UST: variants seen among roughly 807,000 people sequenced by gnomAD.
UST encodes the protein chondroitin sulfate 2-O-sulfotransferase.
In UST, 21 loss-of-function variants were observed where a neutral mutation model predicts 45.6. The observed-to-expected ratio is 0.46, with a 90% CI of 0.33 to 0.66. The LOEUF (loss-of-function observed/expected upper bound fraction) is 0.66, where lower values mean the gene tolerates loss of function less well. UST is among the 30% of genes least tolerant of loss of function. UST has a pLI of 0.02. For missense variants in UST, 463 were observed against 512.4 expected (o/e 0.90, Z 0.93); for synonymous variants, 215 against 200.6 (o/e 1.07, Z -0.61).
At chr6:148,930,673 CA>C (rs1424385568) in intron 2 of UST, among the ~76,000 whole-genome samples, 1 of 152,008 alleles carries the variant, frequency 6.6e-6, no homozygotes, top group African/African-American at 2.4e-5. Context: ...TCTTAATGGC[CA>C]AAGCAAGTCA....
chr6:148,985,660 G>C (rs747430926), intron 5 of UST, among the ~76,000 whole-genome samples: 2 of 152,190 alleles, frequency 1.3e-5, no homozygotes, highest in Non-Finnish European at 2.9e-5. Context: ...TGAAGATAGT[G>C]GTGGGGAAGT....
At chr6:149,024,322 T>C (rs1319480122) in intron 7 of UST, among the ~76,000 whole-genome samples, 3 of 152,228 alleles carry the variant, frequency 2.0e-5, no homozygotes, top group African/African-American at 7.2e-5. Flanking sequence ...GAGCTGGTTG[T>C]CAAATACTTT....
At chr6:148,855,792 C>CATGT (rs1778192034) in intron 1 of UST, among the ~76,000 whole-genome samples, 1 of 152,138 alleles carries the variant, frequency 6.6e-6, no homozygotes, top group Non-Finnish European at 1.5e-5. Flanking sequence ...CTGAGCAAGA[C>CATGT]ATGTATCCTG....
At chr6:148,749,237 T>A (rs1342622408) in intron 1 of UST, among the ~76,000 whole-genome samples, 1 of 152,094 alleles carries the variant, frequency 6.6e-6, no homozygotes, top group Admixed American at 6.5e-5. Context: ...TATTGTGGAG[T>A]CTCATAGCTT....
At position 148,866,576 on chromosome 6, in the gene UST, G is replaced by A. The variant is rs79725906; in HGVS notation, c.248-20410G>A. On this transcript the variant is annotated intron_variant, in intron 1 of 7. Transcript: ENST00000367463. The stretch of plus-strand genomic sequence containing the variant: ...ATGATAGACATAATAAATGCCAGTT[G>A]CATTCTATTTTCCTGTACCTCAGAA... Among the ~76,000 whole-genome samples the A allele has an allele frequency of 5.8e-3, 877 of 152,282 alleles. 7 individuals are homozygous for A. Among genetic ancestry groups the A allele is most frequent in the African/African-American group, 0.02 (831 of 41,570 alleles).
chr6:148,907,634 T>C (rs1040405001), intron 2 of UST, among the ~76,000 whole-genome samples: 5 of 152,218 alleles, frequency 3.3e-5, no homozygotes, highest in African/African-American at 4.8e-5. Context: ...CATTTTCTTA[T>C]GGCCTTCAGT....
intron 1 of UST, among the ~76,000 whole-genome samples, chr6:148,868,680 C>A (rs1396164355): frequency 6.6e-6 from 1 of 152,088 alleles, no homozygotes; most frequent in Non-Finnish European, 1.5e-5. Context: ...ATACCCAAAC[C>A]CTGCCAGGGT....
intron 2 of UST, among the ~76,000 whole-genome samples, chr6:148,917,992 G>T (rs963362369): frequency 1.3e-5 from 2 of 152,186 alleles, no homozygotes; most frequent in African/African-American, 4.8e-5. Context: ...ATTGATAACT[G>T]TGGGTCCCGG....
chr6:148,867,035 C>A (rs149964274), intron 1 of UST, among the ~76,000 whole-genome samples: 17 of 152,232 alleles, frequency 1.1e-4, no homozygotes, highest in African/African-American at 4.1e-4. Context: ...GTATCTTTCA[C>A]TTCTCCTATG....
chr6:148,850,678 C>A (rs929345382), intron 1 of UST, among the ~76,000 whole-genome samples: 2 of 152,142 alleles, frequency 1.3e-5, no homozygotes, highest in Admixed American at 1.3e-4. Context: ...ACTGGAAGTG[C>A]AGCCTCCAGG....
intron 7 of UST, among the ~76,000 whole-genome samples, chr6:149,056,101 G>GCTTTTCTTTT (rs1395331882): frequency 5.0e-5 from 6 of 119,124 alleles, no homozygotes; most frequent in East Asian, 2.4e-4. Context: ...CTGTTACTCT[G>GCTTTTCTTTT]CTTTTCTTTT....
chr6:148,888,168 C>T (rs781693072), intron 2 of UST, among the ~76,000 whole-genome samples: 24 of 152,106 alleles, frequency 1.6e-4, no homozygotes, highest in Middle Eastern at 6.3e-3. Flanking sequence ...AGGAAGCAGG[C>T]GCATCTTACG....
intron 1 of UST, among the ~76,000 whole-genome samples, chr6:148,765,698 T>G (rs1776308263): frequency 2.6e-5 from 4 of 152,202 alleles, no homozygotes; most frequent in Admixed American, 2.6e-4. Flanking sequence ...ATCTTCACAA[T>G]TTATGTTCAG....
At chr6:148,890,458 T>G (rs1778995112) in intron 2 of UST, among the ~76,000 whole-genome samples, 1 of 152,240 alleles carries the variant, frequency 6.6e-6, no homozygotes, top group South Asian at 2.1e-4. Flanking sequence ...TTTTCATATT[T>G]GCTTAGTGCT....
At chr6:149,071,386 G>C (rs1477456363) in intron 7 of UST, among the ~76,000 whole-genome samples, 4 of 152,152 alleles carry the variant, frequency 2.6e-5, no homozygotes, top group African/African-American at 9.7e-5. Flanking sequence ...ATTCAAATTT[G>C]TTGACAAAAA....
At chr6:148,827,829 T>G (rs1274108165) in intron 1 of UST, among the ~76,000 whole-genome samples, 1 of 151,948 alleles carries the variant, frequency 6.6e-6, no homozygotes, top group Non-Finnish European at 1.5e-5. Flanking sequence ...GATGAACATA[T>G]GCGGTTTACT....
chr6:148,880,889 T>C, intron 1 of UST, among the ~76,000 whole-genome samples: 1 of 151,596 alleles, frequency 6.6e-6, no homozygotes, highest in South Asian at 2.1e-4. Flanking sequence ...GTTAGCTGGG[T>C]GTGGTGGTGG....
chr6:148,797,175 G>A (rs1776967818), intron 1 of UST, among the ~76,000 whole-genome samples: 1 of 152,126 alleles, frequency 6.6e-6, no homozygotes, highest in Non-Finnish European at 1.5e-5. Flanking sequence ...TACTCAGGAG[G>A]CTGAGGTGGG....
chr6:148,803,930 T>C (rs1328502195), intron 1 of UST, among the ~76,000 whole-genome samples: 1 of 152,228 alleles, frequency 6.6e-6, no homozygotes, highest in African/African-American at 2.4e-5. Context: ...AGTTGCCTTG[T>C]GAAACTCTTT....
Sources: gnomAD v4.1 joint callset for allele counts (sites outside exome capture counted in the v4.1 genomes callset) on GRCh38, gnomAD v4.1.1 for gene constraint, MANE v1.5 for transcripts, NCBI Gene and HGNC (gene_info 2026-07-23, HGNC 2026-07-21) for gene names.